NLN: variants seen among roughly 807,000 people sequenced by gnomAD.
NLN encodes neurolysin, also known as neurolysin, mitochondrial.
Under a neutral mutation model 79.9 loss-of-function variants are expected in NLN, and 64 were observed. That is an observed-to-expected ratio of 0.80 (90% CI 0.65 to 0.99). The LOEUF is 0.99. Ranked by LOEUF, NLN falls within the 50% of genes least tolerant of loss-of-function variation. The pLI is 0.00. For synonymous variants in NLN, 267 were observed against 296.6 expected, an observed-to-expected ratio of 0.90 and a Z score of 1.02; for missense variants, 835 against 858.7, an observed-to-expected ratio of 0.97 and a Z score of 0.34.
chr5:65,828,843 C>T lies in NLN; in HGVS notation c.*5928C>T, dbSNP rs539876526. The T allele has an allele frequency of 6.6e-6, 1 of 152,274 alleles. No homozygotes were observed. The highest frequency in any genetic ancestry group is 2.1e-4 in the South Asian group (1 of 4,828). The allele number at this position is 152,274 out of a possible 1,614,324, so 9.4% of individuals were successfully genotyped here. A position where few individuals can be genotyped will look rare whatever the true frequency, so the allele number is the denominator to read the frequency against. ...AACGTTCACAGGCTGGCTCTGAAAA[C>T]TGGCATTCAGATGATTGCGGCTCCC... On this transcript the variant is annotated 3_prime_UTR_variant, in exon 13 of 13. Transcript: ENST00000380985.
chr5:65,794,167 AG>A (rs1760122722), intron 9 of NLN, among the ~76,000 whole-genome samples: 1 of 152,214 alleles, frequency 6.6e-6, no homozygotes, highest in Admixed American at 6.5e-5. Flanking sequence ...TTATGTTGTC[AG>A]CTCAGGTCCT....
chr5:65,779,411 C>T (rs1478760866), intron 4 of NLN, among the ~76,000 whole-genome samples: 1 of 151,856 alleles, frequency 6.6e-6, no homozygotes, highest in East Asian at 1.9e-4. Flanking sequence ...TGATCTCCCA[C>T]CTAATACTTT....
intron 9 of NLN, among the ~76,000 whole-genome samples, chr5:65,795,007 A>C (rs1287731692): frequency 1.3e-5 from 2 of 152,152 alleles, no homozygotes; most frequent in African/African-American, 4.8e-5. Context: ...TAATCCAAGG[A>C]AAATAAATCT....
chr5:65,740,575 T>G (rs1358235785), intron 1 of NLN, among the ~76,000 whole-genome samples: 1 of 152,126 alleles, frequency 6.6e-6, no homozygotes, highest in Non-Finnish European at 1.5e-5. Flanking sequence ...TAATCCATTT[T>G]CAGTTGATTT....
At chr5:65,756,367 T>A (rs1430758292) in intron 1 of NLN, among the ~76,000 whole-genome samples, 1 of 152,136 alleles carries the variant, frequency 6.6e-6, no homozygotes, top group South Asian at 2.1e-4. Flanking sequence ...CTCTCTCACC[T>A]CCACCGCCTC....
rs1179520576 is a variant in NLN at position 65,724,163 on chromosome 5, G to A, written c.41+1749G>A. 2.2e-5 allele frequency among the ~76,000 whole-genome samples: 3 copies of A among 137,730 alleles called. No homozygotes were observed. The East Asian group carries it at 7.1e-4, about 32-fold the overall frequency. 90.4% of individuals were successfully genotyped at this position (137,730 alleles called of 152,430 possible). On this transcript the variant is annotated intron_variant, in intron 1 of 12. Coordinates refer to ENST00000380985, the MANE Select transcript of NLN (RefSeq NM_020726.5). ...TTTACCATTTTGATAATTTTTAAGT[G>A]TACAATTGAGAGGTACAGCCAACAC...
chr5:65,806,246 G>A (rs1760408100), intron 9 of NLN, among the ~76,000 whole-genome samples: 1 of 152,138 alleles, frequency 6.6e-6, no homozygotes, highest in Non-Finnish European at 1.5e-5. Flanking sequence ...CAACTTTCAA[G>A]TCTTATTATT....
At chr5:65,751,500 T>G (rs1449858196) in intron 1 of NLN, among the ~76,000 whole-genome samples, 3 of 152,174 alleles carry the variant, frequency 2.0e-5, no homozygotes, top group Non-Finnish European at 4.4e-5. Flanking sequence ...CCATTGTGCT[T>G]GAGAAGTCCT....
intron 1 of NLN, among the ~76,000 whole-genome samples, chr5:65,757,695 CATT>C (rs1256834977): frequency 6.6e-6 from 1 of 152,082 alleles, no homozygotes; most frequent in African/African-American, 2.4e-5. Flanking sequence ...AGACTGGTAT[CATT>C]ATTCTAAACA....
At chr5:65,726,037 G>A (rs972587829) in intron 1 of NLN, among the ~76,000 whole-genome samples, 2 of 151,628 alleles carry the variant, frequency 1.3e-5, no homozygotes, top group Non-Finnish European at 2.9e-5. Flanking sequence ...GCGTGAACCC[G>A]GAAGGTGGAG....
intron 9 of NLN, among the ~76,000 whole-genome samples, chr5:65,799,014 T>C (rs1760226276): frequency 6.6e-6 from 1 of 152,148 alleles, no homozygotes; most frequent in Admixed American, 6.6e-5. Flanking sequence ...CCTAAGTAGC[T>C]GGGACCACAG....
At chr5:65,808,134 T>C (rs1278519752) in intron 9 of NLN, among the ~76,000 whole-genome samples, 1 of 152,220 alleles carries the variant, frequency 6.6e-6, no homozygotes, top group African/African-American at 2.4e-5. Context: ...AATTTAGTTA[T>C]CCTTGCCCCT....
intron 1 of NLN, among the ~76,000 whole-genome samples, chr5:65,750,915 T>TATG (rs1759088593): frequency 6.6e-6 from 1 of 152,128 alleles, no homozygotes; most frequent in South Asian, 2.1e-4. Flanking sequence ...GGACTTGAGC[T>TATG]ATGGCCTGAG....
At chr5:65,725,041 G>C (rs1415749126) in intron 1 of NLN, among the ~76,000 whole-genome samples, 1 of 151,792 alleles carries the variant, frequency 6.6e-6, no homozygotes, top group Admixed American at 6.6e-5. Context: ...TCCTGACCTC[G>C]TGATCCGCCT....
chr5:65,759,718 C>CATTATAG (rs1293493320), intron 2 of NLN, among the ~76,000 whole-genome samples: 3 of 152,106 alleles, frequency 2.0e-5, no homozygotes, highest in Non-Finnish European at 4.4e-5. Flanking sequence ...TTATAGAGGG[C>CATTATAG]AGTCTGCTTT....
chr5:65,739,939 A>G (rs1461058458), intron 1 of NLN, among the ~76,000 whole-genome samples: 2 of 152,044 alleles, frequency 1.3e-5, no homozygotes, highest in Admixed American at 6.6e-5. Context: ...ATTTCCTCCC[A>G]TTCTATAGGT....
At chr5:65,784,566 G>A (rs1326526937) in intron 6 of NLN, among the ~76,000 whole-genome samples, 1 of 152,170 alleles carries the variant, frequency 6.6e-6, no homozygotes, top group Non-Finnish European at 1.5e-5. Flanking sequence ...GGCAGAAAAG[G>A]CCCAAGTTCT....
At chr5:65,725,472 G>A (rs1444686131) in intron 1 of NLN, among the ~76,000 whole-genome samples, 4 of 152,258 alleles carry the variant, frequency 2.6e-5, no homozygotes, top group East Asian at 3.9e-4. Flanking sequence ...AAAACATTAA[G>A]CATAAGTCCT....
Position 65,780,184 on chromosome 5 carries a change from C to T in NLN, c.564C>T (p.Ile188=). The T allele has an allele frequency of 1.6e-6, 2 of 1,268,966 alleles. No individual in the cohort carries two copies. Among genetic ancestry groups the T allele is most frequent in the East Asian group, 2.4e-5 (1 of 41,830 alleles). 78.6% of individuals were successfully genotyped at this position (1,268,966 alleles called of 1,614,324 possible). The change falls in exon 5 of 13, where the codon ATC becomes ATT. Residue 188 remains isoleucine, a synonymous_variant. Coordinates refer to ENST00000380985, the MANE Select transcript of NLN (RefSeq NM_020726.5). ...TATTTTTATCTTCCTTTCAGGAAAT[C>T]AAATCAATGAAGAAAAGAATGAGTG... is the stretch of plus-strand genomic sequence containing the variant. ...LHLPEQVQNE[I]KSMKKRMSEL...
Sources: allele counts gnomAD v4.1 joint callset (sites outside exome capture counted in the v4.1 genomes callset), GRCh38; gene constraint gnomAD v4.1.1; transcripts MANE v1.5; gene names NCBI Gene and HGNC (gene_info 2026-07-23, HGNC 2026-07-21).